Variants in PDE4D observed in about 807,000 individuals in gnomAD.
The protein encoded by PDE4D is phosphodiesterase 4D, also known as 3',5'-cyclic-AMP phosphodiesterase 4D.
In PDE4D, 24 loss-of-function variants were observed where a neutral mutation model predicts 87.4. The observed-to-expected ratio is 0.27, with a 90% CI of 0.20 to 0.39. PDE4D has a LOEUF of 0.39. PDE4D is among the 10% of genes least tolerant of loss of function. PDE4D has a pLI of 1.00. For missense variants in PDE4D, 714 were observed against 1,041.0 expected, an observed-to-expected ratio of 0.69 and a Z score of 4.32; for synonymous variants, 384 against 383.2, an observed-to-expected ratio of 1.00 and a Z score of -0.02.
chr5:59,002,739 A>G (rs1252924785), intron 6 of PDE4D, among the ~76,000 whole-genome samples: 1 of 152,228 alleles, frequency 6.6e-6, no homozygotes, highest in African/African-American at 2.4e-5. Context: ...AGGAATGCCA[A>G]GCAAGAATGT....
At chr5:59,346,100 T>A (rs1447085602) in intron 1 of PDE4D, among the ~76,000 whole-genome samples, 1 of 149,584 alleles carries the variant, frequency 6.7e-6, no homozygotes, top group Non-Finnish European at 1.5e-5. Context: ...TGAAATAAAA[T>A]AAGAGTTTAT....
At chr5:59,574,506 G>C (rs760749266) in intron 1 of PDE4D, among the ~76,000 whole-genome samples, 11 of 152,018 alleles carry the variant, frequency 7.2e-5, no homozygotes, top group Admixed American at 3.3e-4. Flanking sequence ...CTCATAAAAG[G>C]TGATTTGCTC....
At chr5:60,481,693 T>C (rs1245475645) in intron 1 of PDE4D, among the ~76,000 whole-genome samples, 2 of 152,156 alleles carry the variant, frequency 1.3e-5, no homozygotes, top group Non-Finnish European at 2.9e-5. Context: ...AGCAAGGGAT[T>C]CAAATACCTG....
chr5:59,154,315 G>A (rs1163082390), intron 5 of PDE4D, among the ~76,000 whole-genome samples: 5 of 152,154 alleles, frequency 3.3e-5, no homozygotes, highest in Non-Finnish European at 7.4e-5. Flanking sequence ...CAAAATGTCT[G>A]TGTGTGTTTG....
chr5:60,255,030 C>A (rs1036290945), intron 1 of PDE4D, among the ~76,000 whole-genome samples: 1 of 151,852 alleles, frequency 6.6e-6, no homozygotes, highest in African/African-American at 2.4e-5. Context: ...ATACTGCTGC[C>A]TCAGTTTACA....
intron 1 of PDE4D, among the ~76,000 whole-genome samples, chr5:60,199,524 A>C (rs1010519986): frequency 2.6e-5 from 4 of 151,704 alleles, no homozygotes; most frequent in Admixed American, 1.3e-4. Flanking sequence ...GGAAAATGGC[A>C]ATTTCTTTTC....
intron 1 of PDE4D, among the ~76,000 whole-genome samples, chr5:60,213,686 A>G (rs918485444): frequency 1.3e-5 from 2 of 152,182 alleles, no homozygotes; most frequent in Admixed American, 6.5e-5. Flanking sequence ...ACTGCTTCCA[A>G]GAGTAGCCTT....
intron 2 of PDE4D, among the ~76,000 whole-genome samples, chr5:60,065,691 C>G (rs12189363): frequency 0.15 from 22,397 of 151,934 alleles, 1,715 homozygotes; most frequent in Middle Eastern, 0.22. Flanking sequence ...TGCGTGTTTG[C>G]TTTTTTGTCC....
chr5:59,312,943 T>TG (rs1305394223), intron 1 of PDE4D, among the ~76,000 whole-genome samples: 1 of 151,978 alleles, frequency 6.6e-6, no homozygotes, highest in East Asian at 1.9e-4. Context: ...ATGGGCCAAA[T>TG]GGGAGGAAGC....
Position 59,617,046 on chromosome 5 carries a change from A to G in PDE4D, c.455+276122T>C, listed in dbSNP as rs140418883. ...TATGCATCAGATTTTCTTGTCTCCA[A>G]TTGCTGAGGGTGTATCTTCTCTTCT... On this transcript the variant is annotated intron_variant, in intron 1 of 14. Transcript: ENST00000340635. 5.9e-3 allele frequency among the ~76,000 whole-genome samples: 890 copies of G among 150,178 alleles called. 10 individuals are homozygous for G. Among genetic ancestry groups the G allele is most frequent in the East Asian group, 0.043 (218 of 5,076 alleles).
At chr5:59,442,650 T>C (rs1170353212) in intron 1 of PDE4D, among the ~76,000 whole-genome samples, 3 of 152,314 alleles carry the variant, frequency 2.0e-5, no homozygotes, top group South Asian at 2.1e-4. Flanking sequence ...CATTCTACCT[T>C]CTCTTAGGAA....
intron 5 of PDE4D, chr5:59,039,304 AG>A: frequency 3.8e-6 from 4 of 1,054,422 alleles, no homozygotes; most frequent in Non-Finnish European, 4.6e-6. Context: ...GGCGGGCCCG[AG>A]TCCCAGTCCA....
intron 1 of PDE4D, among the ~76,000 whole-genome samples, chr5:59,425,167 G>C (rs567435163): frequency 2.6e-5 from 4 of 152,262 alleles, no homozygotes; most frequent in Admixed American, 2.0e-4. Flanking sequence ...AAGTGTAGCA[G>C]TTGTCCATTT....
upstream of PDE4D, chr5:59,893,915 C>T (rs1045232600): frequency 1.2e-6 from 1 of 864,152 alleles, no homozygotes. Flanking sequence ...CCGGTTTCGC[C>T]AGAGGTTGGT....
chr5:60,257,743 C>T (rs1749241302), intron 1 of PDE4D, among the ~76,000 whole-genome samples: 1 of 151,954 alleles, frequency 6.6e-6, no homozygotes, highest in Non-Finnish European at 1.5e-5. Context: ...GAGTCCTCAA[C>T]TCTGTGAAGT....
intron 1 of PDE4D, among the ~76,000 whole-genome samples, chr5:59,584,909 AG>A (rs1267573587): frequency 6.6e-6 from 1 of 152,206 alleles, no homozygotes; most frequent in African/African-American, 2.4e-5. Flanking sequence ...AACTGTTTCC[AG>A]GATCTTTTAA....
At chr5:59,738,871 C>G (rs1282750440) in intron 1 of PDE4D, among the ~76,000 whole-genome samples, 1 of 151,694 alleles carries the variant, frequency 6.6e-6, no homozygotes, top group African/African-American at 2.4e-5. Flanking sequence ...AATAGTAGAG[C>G]TTTACACAAA....
chr5:59,145,190 G>C (rs548431068), intron 5 of PDE4D, among the ~76,000 whole-genome samples: 20 of 152,286 alleles, frequency 1.3e-4, no homozygotes, highest in African/African-American at 4.3e-4. Flanking sequence ...ATGATCCATA[G>C]TGTTATCACT....
chr5:59,676,814 T>C (rs1561456894), intron 1 of PDE4D, among the ~76,000 whole-genome samples: 1 of 152,150 alleles, frequency 6.6e-6, no homozygotes, highest in East Asian at 1.9e-4. Context: ...TGAAAATATA[T>C]AATATATCGT....
Sources: gnomAD v4.1 joint callset for allele counts (sites outside exome capture counted in the v4.1 genomes callset) on GRCh38, gnomAD v4.1.1 for gene constraint, MANE v1.5 for transcripts, NCBI Gene and HGNC (gene_info 2026-07-23, HGNC 2026-07-21) for gene names.